Variants in DNAH17 observed in about 807,000 individuals in gnomAD.
DNAH17 encodes the protein dynein axonemal heavy chain 17, also known as axonemal beta dynein heavy chain 17.
DNAH17 carries 376 observed loss-of-function variants against 485.6 expected under a neutral mutation model. The ratio of observed to expected loss-of-function variants is 0.77; its 90% CI spans 0.71 to 0.84. The LOEUF (loss-of-function observed/expected upper bound fraction) is 0.84, where lower values mean the gene tolerates loss of function less well. Among genes scored for constraint, DNAH17 ranks in the 40% least tolerant of loss-of-function variants. DNAH17 has a pLI of 0.00. For synonymous variants in DNAH17, 3,031 were observed against 2,405.9 expected (o/e 1.26, Z -7.60); for missense variants, 6,370 against 5,839.3 (o/e 1.09, Z -2.96).
Position 78,426,586 on chromosome 17 carries a change from G to C in DNAH17, c.12786C>G (p.Ile4262Met). 1 of 1,610,058 alleles carries C rather than the reference G, an allele frequency of 6.2e-7. No homozygotes were observed. Among genetic ancestry groups the C allele is most frequent in the Non-Finnish European group, 8.5e-7 (1 of 1,177,692 alleles). Residue 4262 changes from isoleucine (I) to methionine (M), a missense_variant, in exon 79 of 81, where the codon ATC becomes ATG. By Grantham distance (10) the Ile-to-Met change is conservative (BLOSUM62 1). Transcript: ENST00000389840. The part of the protein sequence containing the change: ...LNLGLKGELT[I>M]TTDVEDLSTA... ...TGGACAGATCTTCCACGTCGGTCGT[G>C]ATGGTCAGTTCTCCCTAGGAGACAC...
At position 78,525,143 on chromosome 17, in the gene DNAH17, C is replaced by A. The variant is rs375620938; in HGVS notation, c.3730G>T (p.Ala1244Ser). 1.2e-6 allele frequency: 2 copies of A among 1,613,204 alleles called. No individual in the cohort carries two copies. The highest frequency in any genetic ancestry group is 2.7e-5 in the African/African-American group (2 of 74,942). The change falls in exon 25 of 81, where the codon GCC (alanine) becomes TCC (serine). Residue 1244 changes from alanine to serine, a missense_variant. Coordinates refer to ENST00000389840, the MANE Select transcript of DNAH17 (RefSeq NM_173628.4). ...AGCGCCTCCATGATGCCTTCCATGG[C>A]GGAGATGCTCTTTTGTTGCTAGGGG... ...SLNKQQKSIS[A>S]MEGIMEALSK...
In DNAH17 at chr17:78,501,731, G is replaced by C. The variant is rs758044819; in HGVS notation, c.5322+11C>G. 16 of 1,611,282 alleles carry C rather than the reference G, an allele frequency of 9.9e-6. No homozygotes were observed. Among genetic ancestry groups the C allele is most frequent in the Non-Finnish European group, 1.3e-5 (15 of 1,179,534 alleles). The stretch of plus-strand genomic sequence containing the variant: ...CCCTTCCCCTGGCCCCTGGGACAGG[G>C]GCGCTCATGCCTTGGCCACGATCAT... On this transcript the variant is annotated intron_variant, in intron 34 of 80. Coordinates refer to ENST00000389840, the MANE Select transcript of DNAH17 (RefSeq NM_173628.4).
chr17:78,504,833 C>A (rs559321068), intron 31 of DNAH17, among the ~76,000 whole-genome samples: 1 of 150,362 alleles, frequency 6.7e-6, no homozygotes, highest in South Asian at 2.1e-4. Context: ...AGATGTGCAA[C>A]CCCTTTTAAA....
chr17:78,491,311 G>T, intron 43 of DNAH17, 132 bp downstream of exon 43: 1 of 1,328,142 alleles, frequency 7.5e-7, no homozygotes, highest in Non-Finnish European at 1.0e-6. Context: ...ATAGCTTCCT[G>T]TGGAGATCCA....
intron 54 of DNAH17, chr17:78,472,518 T>A: frequency 3.6e-6 from 1 of 276,358 alleles, no homozygotes; most frequent in Non-Finnish European, 7.2e-6. Context: ...GGCCCCTCAT[T>A]CTGCTGACAG....
intron 48 of DNAH17, 56 bp from the exon 49 acceptor site, chr17:78,480,842 T>TG: frequency 8.1e-7 from 1 of 1,241,200 alleles, no homozygotes; most frequent in South Asian, 1.3e-5. Context: ...AACCATCCCC[T>TG]GCCCCCACTG....
Position 78,459,357 on chromosome 17 carries a change from C to G in DNAH17, c.9654-149G>C. 7.9e-6 allele frequency: 6 copies of G among 763,546 alleles called. No homozygotes were observed. The South Asian group carries it at 9.5e-5, about 12-fold the overall frequency. 47.3% of individuals were successfully genotyped at this position (763,546 alleles called of 1,614,324 possible). ...AGTCAGGCTGGCCCTAGAGGCCACC[C>G]CCCACCGGCTCTGCTCTCCCACTCC... On this transcript the variant is annotated intron_variant, in intron 60 of 80. Coordinates refer to ENST00000389840, the MANE Select transcript of DNAH17 (RefSeq NM_173628.4).
At position 78,439,118 on chromosome 17, in the gene DNAH17, G is replaced by A. The variant is rs751833562; in HGVS notation, c.11777C>T (p.Ala3926Val). The A allele has an allele frequency of 6.2e-6, 10 of 1,613,454 alleles. No individual in the cohort carries two copies. Among genetic ancestry groups the A allele is most frequent in the Non-Finnish European group, 7.6e-6 (9 of 1,179,790 alleles). Residue 3926 changes from alanine to valine, a missense_variant, in exon 73 of 81, where the codon GCA (alanine) becomes GTA (valine). Physicochemically the swap from Ala to Val is moderately conservative, Grantham distance 64. Coordinates refer to ENST00000389840, the MANE Select transcript of DNAH17 (RefSeq NM_173628.4). Reference protein sequence around the residue: ...VVAENALDVAAEKGHWVILQN... With the variant: ...VVAENALDVAVEKGHWVILQN... The stretch of plus-strand genomic sequence containing the variant: ...CAGAATGACCCAGTGTCCTTTCTCT[G>A]CAGCCACGTCCAGGGCGTTCTCAGC...
intron 25 of DNAH17, among the ~76,000 whole-genome samples, chr17:78,516,079 A>G (rs6416834): frequency 6.6e-6 from 1 of 151,986 alleles, no homozygotes; most frequent in African/African-American, 2.4e-5. Flanking sequence ...GAAACATCTG[A>G]GCTTGAGAAC....
chr17:78,526,731 GC>G lies in DNAH17; in HGVS notation c.3630del (p.Lys1210AsnfsTer26), dbSNP rs1236125616. 6.2e-7 allele frequency: 1 copy of G among 1,606,234 alleles called. No individual in the cohort carries two copies. The highest frequency in any genetic ancestry group is 1.7e-5 in the Admixed American group (1 of 59,494). On this transcript the variant is annotated frameshift_variant, in exon 24 of 81. Transcript: ENST00000389840. LOFTEE classifies it high-confidence loss of function. Reference sequence around the variant, plus strand: ...CTGAACCTCTCCCTGAACTCATGTTGCTTGAGCTGCGAGAGAAGAGTGCAAA... The same window carrying G: ...CTGAACCTCTCCCTGAACTCATGTTGTTGAGCTGCGAGAGAAGAGTGCAAA... ...LRRKCQQFEL[K>X]QHEFRERFRR... is the part of the protein sequence containing the mutation.
In DNAH17 at chr17:78,425,437, C is replaced by G. The variant is rs372412671; in HGVS notation, c.13050G>C (p.Met4350Ile). The part of the protein sequence containing the change: ...ARKNEWPLDK[M>I]CLSVEVTKKN... ...TCTTGGTCACCTCGACAGACAGACA[C>G]ATCTTGTCCAGGGGCCACTCGTTCT... Residue 4350 changes from methionine (M) to isoleucine (I), a missense_variant, in exon 80 of 81, where the codon ATG becomes ATC. By Grantham distance (10) the Met-to-Ile change is conservative. Coordinates refer to ENST00000389840, the MANE Select transcript of DNAH17 (RefSeq NM_173628.4). 6.2e-7 allele frequency: 1 copy of G among 1,613,998 alleles called. No individual in the cohort carries two copies. Among genetic ancestry groups the G allele is most frequent in the East Asian group, 2.2e-5 (1 of 44,884 alleles).
chr17:78,439,491 A>G (rs534003793), intron 72 of DNAH17, among the ~76,000 whole-genome samples: 1 of 152,130 alleles, frequency 6.6e-6, no homozygotes, highest in South Asian at 2.1e-4. Context: ...AGTCGCTCCC[A>G]ATCTCCTCCA....
chr17:78,530,750 G>A (rs1244584465), intron 20 of DNAH17, among the ~76,000 whole-genome samples: 3 of 152,200 alleles, frequency 2.0e-5, no homozygotes, highest in Non-Finnish European at 4.4e-5. Context: ...GAAAGGGGCA[G>A]AAGGGGTCAT....
intron 13 of DNAH17, among the ~76,000 whole-genome samples, chr17:78,559,521 C>T (rs1366408873): frequency 1.3e-5 from 2 of 152,220 alleles, no homozygotes; most frequent in Non-Finnish European, 2.9e-5. Context: ...TTCACTGCTG[C>T]CACTCTGGTT....
intron 26 of DNAH17, among the ~76,000 whole-genome samples, chr17:78,511,227 C>A (rs556582407): frequency 7.8e-4 from 119 of 152,360 alleles, no homozygotes; most frequent in Middle Eastern, 3.4e-3. Flanking sequence ...CCTGCCTCAG[C>A]CTCCCAAGTA....
intron 47 of DNAH17, among the ~76,000 whole-genome samples, chr17:78,485,334 C>T (rs977980234): frequency 6.6e-6 from 1 of 152,172 alleles, no homozygotes; most frequent in Non-Finnish European, 1.5e-5. Context: ...ATCAAAACCC[C>T]ATCACCATGC....
intron 25 of DNAH17, among the ~76,000 whole-genome samples, chr17:78,524,631 C>A (rs1441948229): frequency 1.3e-5 from 2 of 151,892 alleles, no homozygotes; most frequent in Middle Eastern, 3.4e-3. Context: ...TGTTTATGAG[C>A]CACTGAGTTT....
At chr17:78,517,019 G>A (rs2090804682) in intron 25 of DNAH17, among the ~76,000 whole-genome samples, 1 of 152,130 alleles carries the variant, frequency 6.6e-6, no homozygotes, top group Non-Finnish European at 1.5e-5. Flanking sequence ...CTTCCTTTTG[G>A]AGGGGAGGAA....
In DNAH17 at chr17:78,490,869, G is replaced by T. The variant is rs372982666; in HGVS notation, c.6670-22C>A. The stretch of plus-strand genomic sequence containing the variant: ...GGACCTAGGAGGGGGACAGCAGCCC[G>T]TGGGGTCCTAAGGCGACACCTGCCA... On this transcript the variant is annotated intron_variant, in intron 43 of 80. Transcript: ENST00000389840. 99 of 1,576,836 alleles carry T rather than the reference G, an allele frequency of 6.3e-5. No homozygotes were observed. The East Asian group carries it at 2.2e-3, about 36-fold the overall frequency.
Sources: gnomAD v4.1 joint callset for allele counts (sites outside exome capture counted in the v4.1 genomes callset) on GRCh38, gnomAD v4.1.1 for gene constraint, MANE v1.5 for transcripts, NCBI Gene and HGNC (gene_info 2026-07-23, HGNC 2026-07-21) for gene names.